WDPCP: variants seen among roughly 807,000 people sequenced by gnomAD.
WDPCP encodes WD repeat containing planar cell polarity effector.
In WDPCP, 71 loss-of-function variants were observed where a neutral mutation model predicts 93.1. The observed-to-expected ratio is 0.76, with a 90% CI of 0.63 to 0.93. WDPCP has a LOEUF of 0.93. WDPCP is among the 40% of genes least tolerant of loss of function. The probability of loss-of-function intolerance (pLI) is 0.00; values close to 1 mark genes in which losing one functional copy is unlikely to be tolerated. For missense variants in WDPCP, 844 were observed against 887.4 expected (o/e 0.95, Z 0.62); for synonymous variants, 315 against 315.0 (o/e 1.00, Z 0.00).
At chr2:63,133,226 G>A (rs781712584) in intron 17 of WDPCP, among the ~76,000 whole-genome samples, 1 of 152,142 alleles carries the variant, frequency 6.6e-6, no homozygotes, top group Non-Finnish European at 1.5e-5. Context: ...TCTGTCATAT[G>A]TCTCCACCTA....
intron 3 of WDPCP, among the ~76,000 whole-genome samples, chr2:63,601,286 G>A (rs576776444): frequency 6.6e-6 from 1 of 152,278 alleles, no homozygotes; most frequent in African/African-American, 2.4e-5. Context: ...TTTCTTACAG[G>A]ACTGGTTGCT....
chr2:63,391,278 C>T (rs1693222135), intron 10 of WDPCP, among the ~76,000 whole-genome samples: 1 of 152,124 alleles, frequency 6.6e-6, no homozygotes, highest in South Asian at 2.1e-4. Context: ...TAAACAGAAC[C>T]AACGACAAAA....
At chr2:63,429,231 TA>T (rs1410091754) in intron 9 of WDPCP, among the ~76,000 whole-genome samples, 15 of 152,134 alleles carry the variant, frequency 9.9e-5, no homozygotes. Context: ...GACCTCAAAC[TA>T]TAAATATCCT....
At chr2:63,185,807 G>C (rs1431176302) in intron 14 of WDPCP, among the ~76,000 whole-genome samples, 1 of 152,142 alleles carries the variant, frequency 6.6e-6, no homozygotes, top group Non-Finnish European at 1.5e-5. Context: ...GCAATGGGCT[G>C]GATTATGGAA....
chr2:63,604,555 T>G, intron 3 of WDPCP: 2 of 692,322 alleles, frequency 2.9e-6, no homozygotes, highest in Non-Finnish European at 4.7e-6. Context: ...ATTTACATTT[T>G]TTACAAGTCA....
intron 3 of WDPCP, among the ~76,000 whole-genome samples, chr2:63,630,547 T>C (rs575815425): frequency 7.2e-5 from 11 of 152,134 alleles, no homozygotes; most frequent in Non-Finnish European, 1.0e-4. Context: ...AATGTAATGA[T>C]AAAATGATCA....
intron 3 of WDPCP, chr2:63,594,989 G>T (rs1249644497): frequency 7.8e-6 from 2 of 256,356 alleles, no homozygotes; most frequent in African/African-American, 4.6e-5. Flanking sequence ...CTTCCAGCAA[G>T]CCTGATTAAT....
At chr2:63,737,863 G>T (rs544885726) in intron 2 of WDPCP, among the ~76,000 whole-genome samples, 2 of 152,272 alleles carry the variant, frequency 1.3e-5, no homozygotes, top group East Asian at 3.9e-4. Flanking sequence ...CTGGCCAGAT[G>T]ATTTTTTTTT....
At chr2:63,458,338 G>T (rs931209924) in intron 6 of WDPCP, among the ~76,000 whole-genome samples, 1 of 151,392 alleles carries the variant, frequency 6.6e-6, no homozygotes, top group African/African-American at 2.4e-5. Flanking sequence ...GACTCCACCA[G>T]AAAACTCTTA....
chr2:63,615,939 A>G (rs1305888010), intron 3 of WDPCP, among the ~76,000 whole-genome samples: 1 of 152,228 alleles, frequency 6.6e-6, no homozygotes, highest in Non-Finnish European at 1.5e-5. Flanking sequence ...TACCTTGGTA[A>G]TAATAATATT....
chr2:63,512,842 G>A (rs1270682927), intron 1 of WDPCP, among the ~76,000 whole-genome samples: 1 of 151,446 alleles, frequency 6.6e-6, no homozygotes, highest in African/African-American at 2.4e-5. Flanking sequence ...GTATACCTAT[G>A]TAACAAACCG....
At chr2:63,134,131 T>C (rs1185923499) in intron 17 of WDPCP, among the ~76,000 whole-genome samples, 1 of 152,142 alleles carries the variant, frequency 6.6e-6, no homozygotes, top group East Asian at 1.9e-4. Flanking sequence ...GGGGACTCCA[T>C]TGTCAATACA....
intron 2 of WDPCP, among the ~76,000 whole-genome samples, chr2:63,794,852 T>C (rs1670591865): frequency 6.6e-6 from 1 of 152,256 alleles, no homozygotes; most frequent in Non-Finnish European, 1.5e-5. Context: ...TCACCAGCAC[T>C]CTTCTATCTA....
At chr2:63,477,331 A>G (rs1700026777) in intron 6 of WDPCP, among the ~76,000 whole-genome samples, 1 of 152,050 alleles carries the variant, frequency 6.6e-6, no homozygotes, top group African/African-American at 2.4e-5. Flanking sequence ...TTAGGAGACA[A>G]AAAAAATGTG....
chr2:63,589,240 G>C, upstream of WDPCP: 2 of 1,555,186 alleles, frequency 1.3e-6, no homozygotes, highest in South Asian at 2.4e-5. Context: ...CACCTTGCGG[G>C]GTATGGGGCG....
intron 13 of WDPCP, among the ~76,000 whole-genome samples, chr2:63,266,582 T>G (rs2459625): frequency 0.65 from 99,018 of 151,968 alleles, 34,606 homozygotes; most frequent in African/African-American, 0.89. Context: ...CTGAGGCGGG[T>G]GGATCACGAG....
intron 15 of WDPCP, among the ~76,000 whole-genome samples, chr2:63,158,821 T>C (rs1356732450): frequency 6.6e-6 from 1 of 151,986 alleles, no homozygotes; most frequent in Non-Finnish European, 1.5e-5. Flanking sequence ...TCTGCTATTA[T>C]CAAACCTATC....
chr2:63,749,718 A>G (rs912716847), intron 2 of WDPCP, among the ~76,000 whole-genome samples: 10 of 152,126 alleles, frequency 6.6e-5, no homozygotes, highest in South Asian at 2.1e-4. Flanking sequence ...CAATGGGTGT[A>G]TCAGGGAGTA....
At chr2:63,498,132 T>C (rs1227964414) in intron 1 of WDPCP, among the ~76,000 whole-genome samples, 1 of 152,180 alleles carries the variant, frequency 6.6e-6, no homozygotes, top group Non-Finnish European at 1.5e-5. Flanking sequence ...ATTATCCAAA[T>C]GAAAATAGTA....
Sources: gnomAD v4.1 joint callset for allele counts (sites outside exome capture counted in the v4.1 genomes callset) on GRCh38, gnomAD v4.1.1 for gene constraint, MANE v1.5 for transcripts, NCBI Gene and HGNC (gene_info 2026-07-23, HGNC 2026-07-21) for gene names.